Variants in PRSS38 observed in about 807,000 individuals in gnomAD.
PRSS38 encodes marapsin 2.
PRSS38 carries 22 observed loss-of-function variants against 26.8 expected under a neutral mutation model. The observed-to-expected ratio is 0.82, with a 90% CI of 0.59 to 1.17. The LOEUF (loss-of-function observed/expected upper bound fraction) is 1.17. Among genes scored for constraint, PRSS38 ranks in the 50% most tolerant of loss-of-function variants. The pLI, the probability that PRSS38 is intolerant of heterozygous loss-of-function variation, is 0.00. For synonymous variants in PRSS38, 175 were observed against 172.1 expected, an observed-to-expected ratio of 1.02 and a Z score of -0.13; for missense variants, 427 against 422.7, an observed-to-expected ratio of 1.01 and a Z score of -0.09.
At chr1:227,844,598 C>T (rs115614097) in intron 3 of PRSS38, among the ~76,000 whole-genome samples, 1,977 of 141,590 alleles carry the variant, frequency 0.014, 42 homozygotes, top group African/African-American at 0.057. Context: ...TAGTGGGGCT[C>T]TTCCCTATGT....
At chr1:227,826,658 G>C (rs1437182958) in intron 3 of PRSS38, among the ~76,000 whole-genome samples, 1 of 152,136 alleles carries the variant, frequency 6.6e-6, no homozygotes, top group African/African-American at 2.4e-5. Flanking sequence ...AGAGGTTGCA[G>C]TGAGCCGAGA....
At chr1:227,839,996 T>C (rs1205652059) in intron 3 of PRSS38, among the ~76,000 whole-genome samples, 1 of 152,162 alleles carries the variant, frequency 6.6e-6, no homozygotes, top group African/African-American at 2.4e-5. Context: ...ACAGAAACAG[T>C]TTAATTTTCC....
At chr1:227,817,065 AT>A in intron 2 of PRSS38, 143 bp from the exon 3 acceptor site, 1 of 864,616 alleles carries the variant, frequency 1.2e-6, no homozygotes, top group Admixed American at 2.4e-5. Context: ...AGACAGCCAG[AT>A]AGGTCCCTAC....
In PRSS38 at chr1:227,816,055, G is replaced by C; in HGVS notation, c.149-35G>C. 1 of 1,570,580 alleles carries C rather than the reference G, an allele frequency of 6.4e-7. No individual in the cohort carries two copies. Among genetic ancestry groups the C allele is most frequent in the Non-Finnish European group, 8.7e-7 (1 of 1,154,738 alleles). ...CTGCCCTACCTCTCCCGTGGCCCCAGCATGGCTCCACCGTCAGCTCCGTTC... is the reference window on the plus strand; with the variant it reads ...CTGCCCTACCTCTCCCGTGGCCCCACCATGGCTCCACCGTCAGCTCCGTTC... On this transcript the variant is annotated intron_variant, in intron 1 of 4. Coordinates refer to ENST00000366757, the Ensembl canonical transcript of PRSS38. This position sits in a 1 kb window ranked among gnomAD's most constrained non-coding sequence, Gnocchi z 5.1.
intron 3 of PRSS38, among the ~76,000 whole-genome samples, chr1:227,845,107 T>C (rs116152376): frequency 0.018 from 2,524 of 141,776 alleles, 75 homozygotes; most frequent in African/African-American, 0.064. Flanking sequence ...TCAGGACTCC[T>C]CCCTATGTGT....
At position 227,816,601 on chromosome 1, in the gene PRSS38, A is replaced by C. The variant is rs1226264010; in HGVS notation, c.311+349A>C. Among the ~76,000 whole-genome samples the C allele has an allele frequency of 2.0e-5, 3 of 151,314 alleles. No individual in the cohort carries two copies. In the East Asian group the frequency reaches 5.8e-4, roughly 29 times the overall value. The stretch of plus-strand genomic sequence containing the variant: ...AATGCACAGCCTGGTCCCCATGTGC[A>C]AGGCTGGTCCCCTAAGTGCACGACC... On this transcript the variant is annotated intron_variant, in intron 2 of 4. Coordinates refer to ENST00000366757, the Ensembl canonical transcript of PRSS38. The surrounding 1 kb of genome is among the most constrained non-coding windows in gnomAD (Gnocchi z 5.1).
At chr1:227,829,353 A>C (rs1665119660) in intron 3 of PRSS38, among the ~76,000 whole-genome samples, 1 of 151,896 alleles carries the variant, frequency 6.6e-6, no homozygotes. Flanking sequence ...ACGGTATCTC[A>C]CTGTGGTTTT....
In PRSS38 at chr1:227,836,003, C is replaced by T. The variant is rs146101848; in HGVS notation, c.584-9467C>T. 1.2e-3 allele frequency among the ~76,000 whole-genome samples: 179 copies of T among 152,160 alleles called. 1 individual carries two copies. Among genetic ancestry groups the T allele is most frequent in the African/African-American group, 4.2e-3 (175 of 41,532 alleles). ...TTGCAATCCCAGCACTTTGGGAGTC[C>T]GTGGCAGGACGATAGCTTAAGGCCA... On this transcript the variant is annotated intron_variant, in intron 3 of 4. Coordinates refer to ENST00000366757, the Ensembl canonical transcript of PRSS38.
At chr1:227,818,417 C>G (rs964781738) in intron 3 of PRSS38, among the ~76,000 whole-genome samples, 1 of 152,094 alleles carries the variant, frequency 6.6e-6, no homozygotes, top group Non-Finnish European at 1.5e-5. Context: ...GTGGCTCACA[C>G]CTGTAAATCC....
At chr1:227,824,305 G>A (rs544762064) in intron 3 of PRSS38, among the ~76,000 whole-genome samples, 1 of 152,086 alleles carries the variant, frequency 6.6e-6, no homozygotes, top group Non-Finnish European at 1.5e-5. Flanking sequence ...TCCCACTTAT[G>A]AGTGAGAACA....
At chr1:227,846,371 A>G (rs1337293327) in exon 5 of PRSS38, 1 of 894,788 alleles carries the variant, frequency 1.1e-6, no homozygotes, top group Admixed American at 2.8e-5. Context: ...CAAGTGTACA[A>G]AAGAAAAAAG....
At chr1:227,831,091 C>G (rs887430348) in intron 3 of PRSS38, among the ~76,000 whole-genome samples, 1 of 151,736 alleles carries the variant, frequency 6.6e-6, no homozygotes, top group African/African-American at 2.4e-5. Flanking sequence ...TTTAATTGTT[C>G]TTTTTCTAGT....
chr1:227,816,468 C>G lies in PRSS38; in HGVS notation c.311+216C>G, dbSNP rs1303283608. ...GAGGCTGGTCCCCCAAGTGCACAGC[C>G]AGGTCCTCAAGAGTGATGCTGGTCC... On this transcript the variant is annotated intron_variant, in intron 2 of 4. Transcript: ENST00000366757. The surrounding 1 kb of genome is among the most constrained non-coding windows in gnomAD (Gnocchi z 5.1). Among the ~76,000 whole-genome samples the G allele has an allele frequency of 6.6e-6, 1 of 151,926 alleles. No homozygotes were observed. The highest frequency in any genetic ancestry group is 2.4e-5 in the African/African-American group (1 of 41,334).
Position 227,817,196 on chromosome 1 carries a change from C to T in PRSS38, c.312-13C>T. 6.2e-7 allele frequency: 1 copy of T among 1,609,378 alleles called. No homozygotes were observed. Among genetic ancestry groups the T allele is most frequent in the Non-Finnish European group, 8.5e-7 (1 of 1,176,608 alleles). On this transcript the variant is annotated splice_polypyrimidine_tract_variant and intron_variant, in intron 2 of 4. Coordinates refer to ENST00000366757, the Ensembl canonical transcript of PRSS38. ...AAGCTGCGGGCATTGTACCTCTGTT[C>T]TCACCCCCACAGGGACAAGAATATC...
intron 3 of PRSS38, among the ~76,000 whole-genome samples, chr1:227,827,786 T>C (rs978409073): frequency 3.3e-5 from 5 of 152,100 alleles, no homozygotes; most frequent in Admixed American, 3.3e-4. Flanking sequence ...AGGTGTTAGG[T>C]TGTTAACTTC....
At chr1:227,826,382 C>G (rs1665074126) in intron 3 of PRSS38, among the ~76,000 whole-genome samples, 1 of 152,110 alleles carries the variant, frequency 6.6e-6, no homozygotes, top group Non-Finnish European at 1.5e-5. Context: ...TTTCTCTTGC[C>G]TAATTGCCCT....
exon 4 of PRSS38, chr1:227,845,493 G>A: frequency 6.2e-7 from 1 of 1,611,838 alleles, no homozygotes; most frequent in Non-Finnish European, 8.5e-7. Flanking sequence ...CGAGCTGCAG[G>A]AGATGCAGCT....
At chr1:227,817,540 A>G (rs1276776027) in intron 3 of PRSS38, 60 bp downstream of exon 3, 2 of 1,568,314 alleles carry the variant, frequency 1.3e-6, no homozygotes, top group South Asian at 1.2e-5. Flanking sequence ...ACCACAGGGA[A>G]GAAAATGCTC....
At chr1:227,822,851 C>G (rs1405414852) in intron 3 of PRSS38, among the ~76,000 whole-genome samples, 1 of 152,208 alleles carries the variant, frequency 6.6e-6, no homozygotes, top group East Asian at 1.9e-4. Context: ...GTGTCTTACC[C>G]TGGGCATGTT....
Sources: allele counts gnomAD v4.1 joint callset (sites outside exome capture counted in the v4.1 genomes callset), GRCh38; gene constraint gnomAD v4.1.1; non-coding constraint Gnocchi (gnomAD v3.1); transcripts MANE v1.5; gene names NCBI Gene and HGNC (gene_info 2026-07-23, HGNC 2026-07-21).